ADGRA2: variants seen among roughly 807,000 people sequenced by gnomAD.
The protein encoded by ADGRA2 is G-protein coupled receptor 124.
ADGRA2 carries 61 observed loss-of-function variants against 98.7 expected under a neutral mutation model. That is an observed-to-expected ratio of 0.62 (90% CI 0.50 to 0.76). The LOEUF is 0.76. Among genes scored for constraint, ADGRA2 ranks in the 30% least tolerant of loss-of-function variants. The pLI, the probability that ADGRA2 is intolerant of heterozygous loss-of-function variation, is 0.00. For missense variants in ADGRA2, 1,712 were observed against 1,860.0 expected (o/e 0.92, Z 1.46); for synonymous variants, 858 against 831.5 (o/e 1.03, Z -0.55).
In ADGRA2 at chr8:37,813,141, G is replaced by A. The variant is rs559611413; in HGVS notation, c.267-1755G>A. On this transcript the variant is annotated intron_variant, in intron 1 of 18. Coordinates refer to ENST00000412232, the MANE Select transcript of ADGRA2 (RefSeq NM_032777.10). ...CCAGCCACTCAGGCAGAGGCAGGAG[G>A]ATCCCTTGAGCCCAGGAGTGAGGCT... 3.9e-5 allele frequency among the ~76,000 whole-genome samples: 6 copies of A among 152,304 alleles called. No individual in the cohort carries two copies. In the South Asian group the frequency reaches 1.0e-3, roughly 26 times the overall value.
chr8:37,829,598 T>C (rs751073007), intron 5 of ADGRA2, 39 bp downstream of exon 5: 10 of 1,405,052 alleles, frequency 7.1e-6, no homozygotes, highest in Non-Finnish European at 1.0e-5. Context: ...CAGACCCCTG[T>C]CCCTTTCTCT....
At position 37,834,204 on chromosome 8, in the gene ADGRA2, G is replaced by GT. The variant is rs1805544347; in HGVS notation, c.1608+77dup. Reference sequence around the variant, plus strand: ...GCTCCCTCTCAGGCGTGCACCTGCCGTGCCCCAGCTAGCAAGAGCAGCAGA... The same window carrying GT: ...GCTCCCTCTCAGGCGTGCACCTGCCGTTGCCCCAGCTAGCAAGAGCAGCAGA... On this transcript the variant is annotated intron_variant, in intron 11 of 18. Coordinates refer to ENST00000412232, the MANE Select transcript of ADGRA2 (RefSeq NM_032777.10). The surrounding 1 kb of genome is among the most constrained non-coding windows in gnomAD (Gnocchi z 4.2). 3 of 1,330,182 alleles carry GT rather than the reference G, an allele frequency of 2.3e-6. No homozygotes were observed. Among genetic ancestry groups the GT allele is most frequent in the Non-Finnish European group, 3.1e-6 (3 of 972,214 alleles). The allele number at this position is 1,330,182 out of a possible 1,614,324, so 82.4% of individuals were successfully genotyped here. A position where few individuals can be genotyped will look rare whatever the true frequency, so the allele number is the denominator to read the frequency against.
intron 1 of ADGRA2, among the ~76,000 whole-genome samples, chr8:37,800,349 C>T (rs1224351708): frequency 2.0e-5 from 3 of 152,116 alleles, no homozygotes; most frequent in East Asian, 3.9e-4. Flanking sequence ...TTTTATTATG[C>T]GGATTTATGC....
chr8:37,810,839 G>A (rs112318078), intron 1 of ADGRA2, among the ~76,000 whole-genome samples: 3,524 of 152,128 alleles, frequency 0.023, 132 homozygotes, highest in African/African-American at 0.08. Flanking sequence ...TAGGCTGGGC[G>A]CGGTGGCCGT....
At chr8:37,839,721 C>T (rs1805734116) in intron 16 of ADGRA2, 99 bp downstream of exon 16, 2 of 1,458,100 alleles carry the variant, frequency 1.4e-6, no homozygotes, top group South Asian at 1.3e-5. Flanking sequence ...GGCTGGTGCT[C>T]ATAGGCCGTG....
At chr8:37,839,402 T>C in intron 15 of ADGRA2, 97 bp from the exon 16 acceptor site, 1 of 1,544,502 alleles carries the variant, frequency 6.5e-7, no homozygotes, top group Non-Finnish European at 8.7e-7. Flanking sequence ...CACACGCAGA[T>C]ATGTGCCTGC....
At chr8:37,831,628 A>G in intron 8 of ADGRA2, 41 bp downstream of exon 8, 2 of 1,584,796 alleles carry the variant, frequency 1.3e-6, no homozygotes, top group Non-Finnish European at 8.6e-7. Context: ...CCCAGCCCCC[A>G]ACCCCACCCT....
At chr8:37,817,096 G>C (rs940197715) in intron 2 of ADGRA2, among the ~76,000 whole-genome samples, 1 of 152,178 alleles carries the variant, frequency 6.6e-6, no homozygotes, top group Admixed American at 6.5e-5. Flanking sequence ...CATGACAGCA[G>C]CCTCGTGAGG....
At chr8:37,832,863 G>GGGAACCCCTGGAAGGCTGGTC (rs1189185894) in intron 8 of ADGRA2, 147 bp from the exon 9 acceptor site, 1 of 667,748 alleles carries the variant, frequency 1.5e-6, no homozygotes, top group East Asian at 2.5e-5. Flanking sequence ...AGTGGAACTT[G>GGGAACCCCTGGAAGGCTGGTC]GGAACCCCTG....
chr8:37,810,170 T>C (rs1368710372), intron 1 of ADGRA2, among the ~76,000 whole-genome samples: 2 of 151,728 alleles, frequency 1.3e-5, no homozygotes, highest in African/African-American at 2.4e-5. Flanking sequence ...ATCATATATA[T>C]ATAAAAATAT....
chr8:37,799,880 C>T (rs1804448710), intron 1 of ADGRA2, among the ~76,000 whole-genome samples: 1 of 152,186 alleles, frequency 6.6e-6, no homozygotes, highest in Non-Finnish European at 1.5e-5. Context: ...TACTGCTTAG[C>T]TCTCCCACCA....
At chr8:37,836,497 C>T (rs1189425512) in intron 13 of ADGRA2, among the ~76,000 whole-genome samples, 1 of 152,162 alleles carries the variant, frequency 6.6e-6, no homozygotes, top group Non-Finnish European at 1.5e-5. Flanking sequence ...GGGGGCCTGG[C>T]ACCCAGAAAG....
At chr8:37,840,368 G>A in intron 17 of ADGRA2, 102 bp downstream of exon 17, 1 of 1,277,160 alleles carries the variant, frequency 7.8e-7, no homozygotes, top group Non-Finnish European at 1.1e-6. Flanking sequence ...GTCCCTGGGA[G>A]ATCACTCTCC....
intron 2 of ADGRA2, among the ~76,000 whole-genome samples, chr8:37,816,178 A>G (rs1053140039): frequency 6.6e-6 from 1 of 152,022 alleles, no homozygotes; most frequent in African/African-American, 2.4e-5. Context: ...AAATCCCAGC[A>G]CTCTGGGAGG....
At chr8:37,807,171 G>A (rs950574161) in intron 1 of ADGRA2, among the ~76,000 whole-genome samples, 1 of 152,224 alleles carries the variant, frequency 6.6e-6, no homozygotes, top group Non-Finnish European at 1.5e-5. Context: ...GACCTGACAA[G>A]CGTCCAGCCC....
chr8:37,836,888 G>A (rs952544726), intron 13 of ADGRA2, among the ~76,000 whole-genome samples: 1 of 152,180 alleles, frequency 6.6e-6, no homozygotes, highest in African/African-American at 2.4e-5. Flanking sequence ...TTGCTGTCAG[G>A]TCTTGCATTC....
intron 2 of ADGRA2, among the ~76,000 whole-genome samples, chr8:37,825,410 A>ATT (rs750368833): frequency 5.8e-5 from 8 of 138,114 alleles, no homozygotes; most frequent in Admixed American, 2.9e-4. Flanking sequence ...CATTGGCTAA[A>ATT]TTTTTTTTTT....
intron 14 of ADGRA2, among the ~76,000 whole-genome samples, chr8:37,838,707 G>C (rs1192005788): frequency 6.6e-6 from 1 of 151,806 alleles, no homozygotes; most frequent in Non-Finnish European, 1.5e-5. Context: ...CCTCATCTCT[G>C]GTTTTTCAGG....
At position 37,834,030 on chromosome 8, in the gene ADGRA2, C is replaced by T; in HGVS notation, c.1510C>T (p.Leu504=). 6.2e-7 allele frequency: 1 copy of T among 1,613,018 alleles called. No homozygotes were observed. Among genetic ancestry groups the T allele is most frequent in the South Asian group, 1.1e-5 (1 of 91,070 alleles). Residue 504 remains leucine (L), a synonymous_variant, in exon 11 of 19, where the codon CTG becomes TTG. Transcript: ENST00000412232. This position sits in a 1 kb window ranked among gnomAD's most constrained non-coding sequence, Gnocchi z 4.2. ...LMLVDEHLLW[L]AQREDKACSR... ...GCTGGTGGACGAGCACCTGCTGTGG[C>T]TGGCCCAGCGCGAGGACAAGGCCTG...
Sources: allele counts gnomAD v4.1 joint callset (sites outside exome capture counted in the v4.1 genomes callset), GRCh38; gene constraint gnomAD v4.1.1; non-coding constraint Gnocchi (gnomAD v3.1); transcripts MANE v1.5; gene names NCBI Gene and HGNC (gene_info 2026-07-23, HGNC 2026-07-21).